The following ASZ1 variants were observed in gnomAD, a reference collection of about 807,000 sequenced individuals.
ASZ1 encodes ankyrin repeat, SAM and basic leucine zipper domain-containing protein 1.
In ASZ1, 67 loss-of-function variants were observed where a neutral mutation model predicts 61.8. The ratio of observed to expected loss-of-function variants is 1.08; its 90% CI spans 0.89 to 1.33. The LOEUF (loss-of-function observed/expected upper bound fraction) is 1.33. ASZ1 is among the 40% of genes most tolerant of loss of function. The pLI is 0.00. For synonymous variants in ASZ1, 193 were observed against 192.7 expected (o/e 1.00, Z -0.01); for missense variants, 577 against 554.5 (o/e 1.04, Z -0.41).
At chr7:117,380,380 A>ATAT (rs1320661287) in intron 9 of ASZ1, among the ~76,000 whole-genome samples, 2 of 151,806 alleles carry the variant, frequency 1.3e-5, no homozygotes, top group Non-Finnish European at 3.0e-5. Context: ...TTTATTTAAA[A>ATAT]TATTATCAGT....
chr7:117,381,608 C>T (rs1273433756), intron 8 of ASZ1, among the ~76,000 whole-genome samples: 1 of 152,150 alleles, frequency 6.6e-6, no homozygotes, highest in South Asian at 2.1e-4. Flanking sequence ...CTTAAAACAC[C>T]CACACAGTGC....
chr7:117,393,360 T>C (rs1486702774), intron 4 of ASZ1, among the ~76,000 whole-genome samples: 1 of 152,188 alleles, frequency 6.6e-6, no homozygotes, highest in Non-Finnish European at 1.5e-5. Context: ...AATATGATTA[T>C]AGATTTTTTA....
chr7:117,377,195 C>T (rs934591410), intron 10 of ASZ1, among the ~76,000 whole-genome samples: 1 of 152,080 alleles, frequency 6.6e-6, no homozygotes, highest in Non-Finnish European at 1.5e-5. Context: ...ATGAAATATG[C>T]ATGAGATCTG....
At chr7:117,418,908 C>A (rs1240699324) in intron 4 of ASZ1, among the ~76,000 whole-genome samples, 2 of 151,980 alleles carry the variant, frequency 1.3e-5, no homozygotes, top group African/African-American at 4.8e-5. Flanking sequence ...TTACAGCGAG[C>A]CACGATGGTG....
At chr7:117,368,299 T>C (rs1795982630) in intron 11 of ASZ1, 19 of 1,001,414 alleles carry the variant, frequency 1.9e-5, no homozygotes, top group Non-Finnish European at 2.3e-5. Flanking sequence ...CACACTGTTT[T>C]ATTTCCATTT....
chr7:117,385,579 T>A (rs1156282868), intron 5 of ASZ1, 119 bp downstream of exon 5: 2 of 855,028 alleles, frequency 2.3e-6, no homozygotes, highest in African/African-American at 1.7e-5. Flanking sequence ...TGTTGCTTTT[T>A]TTCACCAGAT....
intron 10 of ASZ1, among the ~76,000 whole-genome samples, chr7:117,376,696 G>C (rs537576388): frequency 1.3e-5 from 2 of 152,038 alleles, no homozygotes; most frequent in African/African-American, 2.4e-5. Context: ...TCATATGGTC[G>C]TATCAGTTGG....
At chr7:117,388,016 T>C (rs1298994196) in intron 4 of ASZ1, among the ~76,000 whole-genome samples, 1 of 152,194 alleles carries the variant, frequency 6.6e-6, no homozygotes, top group East Asian at 1.9e-4. Flanking sequence ...TGAGGAAGTA[T>C]TATGAACAAA....
intron 4 of ASZ1, among the ~76,000 whole-genome samples, chr7:117,418,469 A>G (rs1045136224): frequency 1.3e-4 from 20 of 152,234 alleles, no homozygotes; most frequent in Admixed American, 9.8e-4. Context: ...TCTGGCCAAC[A>G]TGGTGAAACC....
intron 10 of ASZ1, among the ~76,000 whole-genome samples, chr7:117,370,804 TTGTGTGTGTGTGTGTGTG>T (rs3138784): frequency 1.5e-5 from 2 of 133,228 alleles, no homozygotes; most frequent in South Asian, 2.5e-4. Flanking sequence ...CCAAAGGTAA[TTGTGTGTGTGTGTGTGTG>T]TGTGTGTGTG....
chr7:117,394,794 A>C (rs1796547000), intron 4 of ASZ1, among the ~76,000 whole-genome samples: 1 of 152,204 alleles, frequency 6.6e-6, no homozygotes, highest in South Asian at 2.1e-4. Flanking sequence ...TCAGCTCTTC[A>C]GATGAGTCCC....
At chr7:117,365,944 C>T (rs1795928524) in intron 12 of ASZ1, among the ~76,000 whole-genome samples, 2 of 152,198 alleles carry the variant, frequency 1.3e-5, no homozygotes, top group African/African-American at 4.8e-5. Flanking sequence ...ATAGAATTTG[C>T]TTCACAACTT....
At chr7:117,376,652 C>G (rs1221579130) in intron 10 of ASZ1, among the ~76,000 whole-genome samples, 1 of 152,022 alleles carries the variant, frequency 6.6e-6, no homozygotes, top group African/African-American at 2.4e-5. Flanking sequence ...AAAAATCTAA[C>G]AAAGTAACCA....
At chr7:117,373,706 G>T (rs1217463588) in intron 10 of ASZ1, among the ~76,000 whole-genome samples, 1 of 152,046 alleles carries the variant, frequency 6.6e-6, no homozygotes, top group Non-Finnish European at 1.5e-5. Context: ...ATATATGTCT[G>T]CCAGTTTTAT....
intron 3 of ASZ1, among the ~76,000 whole-genome samples, chr7:117,421,838 C>T (rs925050606): frequency 1.3e-5 from 2 of 152,098 alleles, no homozygotes; most frequent in African/African-American, 4.8e-5. Flanking sequence ...GTAACAAGGA[C>T]AAAGATGGAT....
At chr7:117,414,552 G>C (rs150833852) in intron 4 of ASZ1, among the ~76,000 whole-genome samples, 208 of 152,108 alleles carry the variant, frequency 1.4e-3, no homozygotes, top group African/African-American at 4.8e-3. Flanking sequence ...TGTTCCATTG[G>C]TATACACGTG....
chr7:117,373,181 T>C (rs1796079193), intron 10 of ASZ1, among the ~76,000 whole-genome samples: 1 of 152,084 alleles, frequency 6.6e-6, no homozygotes, highest in African/African-American at 2.4e-5. Context: ...TGAATGAAAA[T>C]TTATTATTTC....
At chr7:117,424,374 A>G (rs1797157255) in intron 2 of ASZ1, among the ~76,000 whole-genome samples, 1 of 152,242 alleles carries the variant, frequency 6.6e-6, no homozygotes, top group Non-Finnish European at 1.5e-5. Flanking sequence ...ACATAATGAC[A>G]TCTGGAAGGA....
rs764856529 is a variant in ASZ1, at chr7:117,368,670, C to A, written c.1103G>T (p.Gly368Val). The change falls in exon 11 of 13, where the codon GGC (glycine) becomes GTC (valine). Residue 368 changes from glycine (G) to valine (V), a missense_variant. Transcript: ENST00000284629. ...NFLLKLNKQC[G>V]HLITAVQNVI... ...ATTCTGTACAGCTGTTATTAAATGG[C>A]CACACTGTTTATTTAATTTGAGAAG... The A allele has an allele frequency of 6.2e-7, 1 of 1,612,714 alleles. No individual in the cohort carries two copies. The highest frequency in any genetic ancestry group is 1.1e-5 in the South Asian group (1 of 90,968).
Sources: allele counts gnomAD v4.1 joint callset (sites outside exome capture counted in the v4.1 genomes callset), GRCh38; gene constraint gnomAD v4.1.1; transcripts MANE v1.5; gene names NCBI Gene and HGNC (gene_info 2026-07-23, HGNC 2026-07-21).